RAI14: variants seen among roughly 807,000 people sequenced by gnomAD.
The protein encoded by RAI14 is ankycorbin.
In RAI14, 45 loss-of-function variants were observed where a neutral mutation model predicts 115.4. That is an observed-to-expected ratio of 0.39 (90% CI 0.31 to 0.50). The LOEUF is 0.50. Ranked by LOEUF, RAI14 falls within the 20% of genes least tolerant of loss-of-function variation. The pLI, the probability that RAI14 is intolerant of heterozygous loss-of-function variation, is 0.85. For synonymous variants in RAI14, 371 were observed against 415.4 expected (o/e 0.89, Z 1.30); for missense variants, 939 against 1,131.2 (o/e 0.83, Z 2.44).
At chr5:34,718,427 GAC>G (rs1250431108) in intron 2 of RAI14, among the ~76,000 whole-genome samples, 1 of 152,236 alleles carries the variant, frequency 6.6e-6, no homozygotes, top group Non-Finnish European at 1.5e-5. Context: ...TGGTTGAGAA[GAC>G]ACATAATGGT....
chr5:34,753,948 G>A (rs572929804), intron 2 of RAI14, among the ~76,000 whole-genome samples: 1 of 151,682 alleles, frequency 6.6e-6, no homozygotes, highest in Admixed American at 6.6e-5. Context: ...AGGCATGGTG[G>A]CAGATGCCTG....
intron 3 of RAI14, among the ~76,000 whole-genome samples, chr5:34,766,907 A>G (rs1580185593): frequency 6.6e-6 from 1 of 152,110 alleles, no homozygotes; most frequent in East Asian, 1.9e-4. Context: ...CTTCTCCCAT[A>G]CTGTTCTTGC....
chr5:34,709,371 C>T (rs1268094361), intron 2 of RAI14, among the ~76,000 whole-genome samples: 5 of 152,130 alleles, frequency 3.3e-5, no homozygotes, highest in Admixed American at 1.3e-4. Flanking sequence ...TCGCTTGAAC[C>T]TGGACGACGG....
chr5:34,683,551 T>C (rs1021733421), intron 1 of RAI14, among the ~76,000 whole-genome samples: 9 of 152,182 alleles, frequency 5.9e-5, no homozygotes, highest in African/African-American at 2.2e-4. Flanking sequence ...TTGTGCTCTC[T>C]GAATATGTGA....
chr5:34,740,507 A>G (rs1047818284), intron 2 of RAI14, among the ~76,000 whole-genome samples: 1 of 152,218 alleles, frequency 6.6e-6, no homozygotes, highest in African/African-American at 2.4e-5. Flanking sequence ...TGGGAACCTC[A>G]ATGACTTTTC....
chr5:34,783,984 C>G (rs900010281), intron 3 of RAI14, among the ~76,000 whole-genome samples: 5 of 152,170 alleles, frequency 3.3e-5, no homozygotes, highest in Non-Finnish European at 7.3e-5. Flanking sequence ...GCTAGTCTCC[C>G]AAATGAGGGA....
rs1758072319 is a variant in RAI14, at chr5:34,832,301, T to C, written c.*1536T>C. On this transcript the variant is annotated 3_prime_UTR_variant, in exon 18 of 18. Transcript: ENST00000265109. Reference sequence around the variant, plus strand: ...GCTTTAAAGCTTGGTGTTACTTTTCTTAAGTTGTTTAATTATAGTTAAGCA... The same window carrying C: ...GCTTTAAAGCTTGGTGTTACTTTTCCTAAGTTGTTTAATTATAGTTAAGCA... 6.6e-6 allele frequency: 1 copy of C among 152,652 alleles called. No individual in the cohort carries two copies. The highest frequency in any genetic ancestry group is 2.4e-5 in the African/African-American group (1 of 41,454). 9.5% of individuals were successfully genotyped at this position (152,652 alleles called of 1,614,324 possible).
At chr5:34,780,973 A>G (rs894517552) in intron 3 of RAI14, among the ~76,000 whole-genome samples, 1 of 152,170 alleles carries the variant, frequency 6.6e-6, no homozygotes, top group Non-Finnish European at 1.5e-5. Flanking sequence ...ACCAACCCAA[A>G]TGTCCATAAA....
chr5:34,793,169 T>C (rs1385765513), intron 3 of RAI14, among the ~76,000 whole-genome samples: 20 of 152,246 alleles, frequency 1.3e-4, no homozygotes, highest in Admixed American at 1.3e-3. Context: ...TTTGTGGGAC[T>C]GGAAATTGAG....
intron 9 of RAI14, 98 bp downstream of exon 9, chr5:34,812,043 C>A (rs922249251): frequency 3.1e-6 from 4 of 1,298,424 alleles, no homozygotes; most frequent in South Asian, 1.4e-5. Context: ...TTTTATTATT[C>A]TTTTAAACAT....
chr5:34,722,571 C>T (rs749991069), intron 2 of RAI14, among the ~76,000 whole-genome samples: 7 of 152,064 alleles, frequency 4.6e-5, no homozygotes, highest in South Asian at 2.1e-4. Flanking sequence ...CTCTGCCAGG[C>T]GTGATGGCTC....
chr5:34,709,508 G>C (rs954365557), intron 2 of RAI14, among the ~76,000 whole-genome samples: 22 of 152,188 alleles, frequency 1.4e-4, no homozygotes, highest in South Asian at 2.1e-4. Flanking sequence ...GCTACTTTGT[G>C]TCAATTCTGC....
chr5:34,710,229 A>G (rs1741230394), intron 2 of RAI14, among the ~76,000 whole-genome samples: 1 of 152,196 alleles, frequency 6.6e-6, no homozygotes, highest in Non-Finnish European at 1.5e-5. Flanking sequence ...AAGTCTCTGT[A>G]AGGAAGAGTC....
At chr5:34,727,083 C>T (rs1743561793) in intron 2 of RAI14, among the ~76,000 whole-genome samples, 1 of 152,120 alleles carries the variant, frequency 6.6e-6, no homozygotes, top group Non-Finnish European at 1.5e-5. Context: ...CTAGAGAAGC[C>T]TTGTTGAATG....
chr5:34,793,571 C>T (rs548003533), intron 3 of RAI14, among the ~76,000 whole-genome samples: 12 of 152,250 alleles, frequency 7.9e-5, no homozygotes, highest in African/African-American at 2.9e-4. Context: ...AAAAATTTAG[C>T]AAGCTGTACA....
intron 1 of RAI14, among the ~76,000 whole-genome samples, chr5:34,664,919 C>T (rs2149843830): frequency 6.8e-6 from 1 of 147,482 alleles, no homozygotes; most frequent in South Asian, 2.1e-4. Context: ...TAATAATCTC[C>T]AATCTCATCC....
intron 2 of RAI14, among the ~76,000 whole-genome samples, chr5:34,751,071 G>A (rs928168977): frequency 3.3e-5 from 5 of 151,098 alleles, no homozygotes; most frequent in South Asian, 2.1e-4. Context: ...GGCTGGTCTC[G>A]AACTCCCGAA....
At chr5:34,691,771 A>G (rs1738632840) in intron 2 of RAI14, among the ~76,000 whole-genome samples, 1 of 152,224 alleles carries the variant, frequency 6.6e-6, no homozygotes, top group Admixed American at 6.5e-5. Flanking sequence ...ATAGGGAAGT[A>G]GCGGACATTC....
intron 1 of RAI14, among the ~76,000 whole-genome samples, chr5:34,663,987 G>A (rs1003506355): frequency 2.6e-5 from 4 of 152,132 alleles, no homozygotes; most frequent in African/African-American, 9.7e-5. Flanking sequence ...CTGGAAATTA[G>A]TCTTGCCGTA....
Sources: gnomAD v4.1 joint callset for allele counts (sites outside exome capture counted in the v4.1 genomes callset) on GRCh38, gnomAD v4.1.1 for gene constraint, MANE v1.5 for transcripts, NCBI Gene and HGNC (gene_info 2026-07-23, HGNC 2026-07-21) for gene names.